The following PODXL variants were observed in gnomAD, a reference collection of about 807,000 sequenced individuals.
PODXL encodes the protein podocalyxin.
In PODXL, 20 loss-of-function variants were observed where a neutral mutation model predicts 48.9. The ratio of observed to expected loss-of-function variants is 0.41; its 90% CI spans 0.29 to 0.59. The LOEUF (loss-of-function observed/expected upper bound fraction) is 0.59, where lower values mean the gene tolerates loss of function less well. Among genes scored for constraint, PODXL ranks in the 20% least tolerant of loss-of-function variants. PODXL has a pLI of 0.31. For synonymous variants in PODXL, 295 were observed against 287.4 expected, an observed-to-expected ratio of 1.03 and a Z score of -0.27; for missense variants, 606 against 675.1, an observed-to-expected ratio of 0.90 and a Z score of 1.13.
At chr7:131,526,018 CAG>C (rs1344357718) in intron 1 of PODXL, among the ~76,000 whole-genome samples, 3 of 152,144 alleles carry the variant, frequency 2.0e-5, no homozygotes, top group Non-Finnish European at 4.4e-5. Flanking sequence ...TCTGTCCACT[CAG>C]AGCATCTGGA....
intron 1 of PODXL, among the ~76,000 whole-genome samples, chr7:131,554,385 G>A (rs896835096): frequency 5.9e-5 from 9 of 152,188 alleles, no homozygotes; most frequent in Non-Finnish European, 1.3e-4. Context: ...CAACAGTGCT[G>A]CATACTATAA....
intron 1 of PODXL, among the ~76,000 whole-genome samples, chr7:131,531,053 C>T (rs575844642): frequency 2.6e-5 from 4 of 152,028 alleles, no homozygotes; most frequent in South Asian, 2.1e-4. Flanking sequence ...AGCAAAACTC[C>T]GTCTCAAAAA....
intron 3 of PODXL, 55 bp from the exon 4 acceptor site, chr7:131,509,640 G>T: frequency 8.4e-7 from 1 of 1,190,530 alleles, no homozygotes; most frequent in Non-Finnish European, 1.2e-6. Flanking sequence ...CTTGCGAGAA[G>T]AGGACAATCT....
intron 1 of PODXL, among the ~76,000 whole-genome samples, chr7:131,551,854 G>A (rs142877787): frequency 5.9e-5 from 9 of 151,540 alleles, no homozygotes; most frequent in Non-Finnish European, 1.2e-4. Context: ...GGAGAATGGC[G>A]TGAACCCGGG....
chr7:131,547,764 G>T (rs1399666123), intron 1 of PODXL, among the ~76,000 whole-genome samples: 1 of 152,142 alleles, frequency 6.6e-6, no homozygotes, highest in Non-Finnish European at 1.5e-5. Flanking sequence ...TCCTCTCCAG[G>T]TATGCACCCC....
Position 131,506,202 on chromosome 7 carries a change from A to C in PODXL, c.1311+58T>G, listed in dbSNP as rs547259621. On this transcript the variant is annotated intron_variant, in intron 7 of 8. Coordinates refer to ENST00000378555, the MANE Select transcript of PODXL (RefSeq NM_001018111.3). The stretch of plus-strand genomic sequence containing the variant: ...TCCCCACAGAGAGAGGGGAGTAACC[A>C]GACCTCCCACAAGGGGCTTCGGAGC... 4 of 1,583,012 alleles carry C rather than the reference A, an allele frequency of 2.5e-6. No individual in the cohort carries two copies. In the East Asian group the frequency reaches 8.9e-5, roughly 35 times the overall value.
intron 1 of PODXL, among the ~76,000 whole-genome samples, chr7:131,516,736 C>CTTTTTT (rs58722955): frequency 8.4e-4 from 106 of 125,604 alleles, no homozygotes; most frequent in Middle Eastern, 9.3e-3. Context: ...TTTTTTTTCT[C>CTTTTTT]TTTTTTTTTT....
chr7:131,509,013 G>T lies in PODXL; in HGVS notation c.1039C>A (p.Leu347Ile), dbSNP rs369814621. ...TTCTCACTCTGTGTCTGTGTCTCAA[G>T]ATCCTCACACTTTGCCTGGAAGAAG... ...HESNWAKCED[L>I]ETQTQSEKQL... Residue 347 changes from leucine to isoleucine, a missense_variant, in exon 5 of 9, where the codon CTT becomes ATT. Leu to Ile is a conservative substitution (Grantham distance 5). Coordinates refer to ENST00000378555, the MANE Select transcript of PODXL (RefSeq NM_001018111.3). The T allele has an allele frequency of 1.2e-6, 2 of 1,613,702 alleles. No homozygotes were observed. Among genetic ancestry groups the T allele is most frequent in the South Asian group, 1.1e-5 (1 of 91,080 alleles).
At chr7:131,554,089 G>C (rs889420179) in intron 1 of PODXL, among the ~76,000 whole-genome samples, 1 of 152,070 alleles carries the variant, frequency 6.6e-6, no homozygotes, top group African/African-American at 2.4e-5. Flanking sequence ...TTCTTGCTTT[G>C]AATCAAATCA....
At chr7:131,519,364 C>T (rs1798058259) in intron 1 of PODXL, among the ~76,000 whole-genome samples, 1 of 152,058 alleles carries the variant, frequency 6.6e-6, no homozygotes, top group Admixed American at 6.5e-5. Flanking sequence ...AGGGTGTGAG[C>T]CGCGCTCCAA....
intron 1 of PODXL, among the ~76,000 whole-genome samples, chr7:131,527,672 C>G (rs1625957): frequency 6.6e-6 from 1 of 152,170 alleles, no homozygotes; most frequent in African/African-American, 2.4e-5. Context: ...ACAACTCTTT[C>G]TCAAATGCTA....
intron 1 of PODXL, among the ~76,000 whole-genome samples, chr7:131,531,130 C>G (rs1798274280): frequency 6.6e-6 from 1 of 152,204 alleles, no homozygotes; most frequent in Non-Finnish European, 1.5e-5. Flanking sequence ...CCTGCTCTTG[C>G]TTAGCTGGGC....
At chr7:131,541,259 T>C (rs926028181) in intron 1 of PODXL, among the ~76,000 whole-genome samples, 2 of 151,752 alleles carry the variant, frequency 1.3e-5, no homozygotes, top group African/African-American at 4.8e-5. Context: ...AGAAAAAGCA[T>C]GGTTACCTCC....
At chr7:131,523,599 A>G (rs1291091940) in intron 1 of PODXL, among the ~76,000 whole-genome samples, 6 of 139,250 alleles carry the variant, frequency 4.3e-5, no homozygotes, top group African/African-American at 1.0e-4. Context: ...GGAGAATGGC[A>G]TGAACCCAGG....
At chr7:131,506,771 C>G (rs1297889963) in intron 5 of PODXL, 45 bp from the exon 6 acceptor site, 6 of 1,585,966 alleles carry the variant, frequency 3.8e-6, no homozygotes, top group Admixed American at 3.5e-5. Context: ...AGCGTGACAG[C>G]AGCCTAGGCC....
chr7:131,540,050 T>C (rs887233082), intron 1 of PODXL, among the ~76,000 whole-genome samples: 29 of 151,972 alleles, frequency 1.9e-4, no homozygotes, highest in African/African-American at 7.0e-4. Flanking sequence ...TTTTAATTTT[T>C]AATCTTTTTA....
intron 1 of PODXL, among the ~76,000 whole-genome samples, chr7:131,530,288 C>G (rs1425290622): frequency 6.6e-6 from 1 of 152,062 alleles, no homozygotes; most frequent in East Asian, 1.9e-4. Flanking sequence ...AGTAAGGGAC[C>G]TGGGGCTGCT....
chr7:131,556,303 C>T lies in PODXL; in HGVS notation c.57G>A (p.Leu19=). ...GCGACGGCGACGGCGACGACGGCAG[C>T]AGCGGCGGCGTTGACAACAGTAGCA... ...ALLLLLSTPP[L]LPSSPSPSPS... is the part of the protein sequence containing the mutation. The change falls in exon 1 of 9, where the codon CTG becomes CTA. Residue 19 remains leucine, a synonymous_variant. Coordinates refer to ENST00000378555, the MANE Select transcript of PODXL (RefSeq NM_001018111.3). The T allele has an allele frequency of 2.7e-6, 4 of 1,503,544 alleles. No homozygotes were observed. Among genetic ancestry groups the T allele is most frequent in the South Asian group, 1.3e-5 (1 of 78,724 alleles). 93.1% of individuals were successfully genotyped at this position (1,503,544 alleles called of 1,614,324 possible).
intron 1 of PODXL, among the ~76,000 whole-genome samples, chr7:131,524,136 CA>C (rs911564644): frequency 2.7e-5 from 4 of 148,492 alleles, no homozygotes; most frequent in Non-Finnish European, 5.9e-5. Context: ...TGATTTAAAA[CA>C]AAGCAAAACA....
Sources: gnomAD v4.1 joint callset for allele counts (sites outside exome capture counted in the v4.1 genomes callset) on GRCh38, gnomAD v4.1.1 for gene constraint, MANE v1.5 for transcripts, NCBI Gene and HGNC (gene_info 2026-07-23, HGNC 2026-07-21) for gene names.